The following ASPH variants were observed in gnomAD, a reference collection of about 807,000 sequenced individuals.
The protein encoded by ASPH is aspartate beta-hydroxylase.
Under a neutral mutation model 118.4 loss-of-function variants are expected in ASPH, and 100 were observed. That is an observed-to-expected ratio of 0.84 (90% CI 0.72 to 1.00). The LOEUF is 1.00. ASPH is among the 50% of genes least tolerant of loss of function. The pLI, the probability that ASPH is intolerant of heterozygous loss-of-function variation, is 0.00. For missense variants in ASPH, 920 were observed against 919.5 expected (o/e 1.00, Z -0.01); for synonymous variants, 315 against 325.6 (o/e 0.97, Z 0.35).
At chr8:61,702,841 A>G (rs756469348) in intron 1 of ASPH, among the ~76,000 whole-genome samples, 2 of 152,210 alleles carry the variant, frequency 1.3e-5, no homozygotes, top group Non-Finnish European at 2.9e-5. Flanking sequence ...CATCTAAAGT[A>G]TGGAAGGAGA....
intron 18 of ASPH, among the ~76,000 whole-genome samples, chr8:61,560,813 G>A (rs1348908079): frequency 6.6e-6 from 1 of 151,986 alleles, no homozygotes; most frequent in Non-Finnish European, 1.5e-5. Context: ...AAAAAGGTGA[G>A]GAAGGACAAA....
chr8:61,535,992 CCTT>C (rs1819384780), intron 21 of ASPH, among the ~76,000 whole-genome samples: 3 of 151,408 alleles, frequency 2.0e-5, no homozygotes, highest in Admixed American at 6.6e-5. Flanking sequence ...GATTAGATCT[CCTT>C]GTTTTTCAAG....
chr8:61,650,346 T>C (rs1240162651), intron 5 of ASPH, among the ~76,000 whole-genome samples: 1 of 152,160 alleles, frequency 6.6e-6, no homozygotes, highest in East Asian at 1.9e-4. Context: ...AACGTAATTT[T>C]ATTTTCCTTT....
At chr8:61,544,147 G>A (rs1022819693) in intron 21 of ASPH, among the ~76,000 whole-genome samples, 2 of 152,182 alleles carry the variant, frequency 1.3e-5, no homozygotes, top group Non-Finnish European at 2.9e-5. Flanking sequence ...AGTTTTCAAG[G>A]CTACCCTGGA....
intron 14 of ASPH, among the ~76,000 whole-genome samples, chr8:61,614,312 C>T (rs1027792757): frequency 6.6e-6 from 1 of 152,082 alleles, no homozygotes; most frequent in Non-Finnish European, 1.5e-5. Flanking sequence ...CCCACCCACC[C>T]ACGTGCACAC....
At chr8:61,679,508 T>G (rs1277679016) in intron 3 of ASPH, among the ~76,000 whole-genome samples, 1 of 152,100 alleles carries the variant, frequency 6.6e-6, no homozygotes, top group Non-Finnish European at 1.5e-5. Context: ...AATACCACAT[T>G]TTAATTTCTA....
chr8:61,654,473 T>C (rs978316607), intron 3 of ASPH, among the ~76,000 whole-genome samples: 1 of 152,038 alleles, frequency 6.6e-6, no homozygotes, highest in African/African-American at 2.4e-5. Context: ...CTACCAAGAG[T>C]AGTCACTGTG....
At chr8:61,660,995 TAAGGC>T (rs775492633) in intron 3 of ASPH, 17 of 152,228 alleles carry the variant, frequency 1.1e-4, no homozygotes, top group Non-Finnish European at 2.1e-4. Context: ...ACCATATACT[TAAGGC>T]TATAGTTTAT....
intron 3 of ASPH, among the ~76,000 whole-genome samples, chr8:61,679,075 G>T (rs1207119826): frequency 6.6e-6 from 1 of 152,142 alleles, no homozygotes; most frequent in African/African-American, 2.4e-5. Flanking sequence ...TGCATTTCAT[G>T]CAGAGAACTC....
intron 14 of ASPH, among the ~76,000 whole-genome samples, chr8:61,608,245 CT>C (rs1264139392): frequency 6.6e-6 from 1 of 152,080 alleles, no homozygotes; most frequent in Non-Finnish European, 1.5e-5. Context: ...TCTTTTAGTC[CT>C]GATTAAAATT....
chr8:61,612,926 C>T (rs1847907693), intron 14 of ASPH, among the ~76,000 whole-genome samples: 1 of 152,182 alleles, frequency 6.6e-6, no homozygotes, highest in South Asian at 2.1e-4. Context: ...GTTTATAATT[C>T]TTCCTGCCCA....
At chr8:61,665,511 C>T in intron 3 of ASPH, 1 of 1,566,154 alleles carries the variant, frequency 6.4e-7, no homozygotes. Flanking sequence ...CGGACATCCT[C>T]TTTCTTCCCC....
At chr8:61,656,107 T>C (rs774857255) in intron 3 of ASPH, 5 of 152,176 alleles carry the variant, frequency 3.3e-5, no homozygotes, top group Admixed American at 6.5e-5. Context: ...TAAATGCATA[T>C]AAGCTCAATT....
intron 3 of ASPH, chr8:61,658,013 T>C (rs74910828): frequency 4.5e-4 from 68 of 152,298 alleles, no homozygotes; most frequent in African/African-American, 1.6e-3. Context: ...ACTGTTTCAA[T>C]TGCAAGGAGT....
intron 14 of ASPH, among the ~76,000 whole-genome samples, chr8:61,615,885 T>G (rs1377916723): frequency 6.6e-6 from 1 of 152,198 alleles, no homozygotes; most frequent in African/African-American, 2.4e-5. Context: ...GGATATGTAA[T>G]GTTTACATAA....
At chr8:61,640,050 G>T (rs558770322) in intron 10 of ASPH, among the ~76,000 whole-genome samples, 1 of 152,176 alleles carries the variant, frequency 6.6e-6, no homozygotes, top group Admixed American at 6.5e-5. Context: ...TGTCCTATCC[G>T]TCCACTGAAA....
At chr8:61,696,203 C>T (rs1833889584) in intron 1 of ASPH, among the ~76,000 whole-genome samples, 1 of 152,186 alleles carries the variant, frequency 6.6e-6, no homozygotes, top group East Asian at 1.9e-4. Context: ...GCTCTCTTGA[C>T]TGTCCCTGTG....
At chr8:61,603,191 CAAAAAAA>C (rs11336705) in intron 14 of ASPH, among the ~76,000 whole-genome samples, 130 of 61,370 alleles carry the variant, frequency 2.1e-3, no homozygotes, top group Admixed American at 1.0e-3. Context: ...AGACTTGTCT[CAAAAAAA>C]AAAAAAAAAA....
At chr8:61,538,360 G>C (rs1249539343) in intron 21 of ASPH, among the ~76,000 whole-genome samples, 1 of 152,160 alleles carries the variant, frequency 6.6e-6, no homozygotes, top group Non-Finnish European at 1.5e-5. Context: ...AGAAAGATAA[G>C]ACTAAGCTAT....
Sources: gnomAD v4.1 joint callset for allele counts (sites outside exome capture counted in the v4.1 genomes callset) on GRCh38, gnomAD v4.1.1 for gene constraint, MANE v1.5 for transcripts, NCBI Gene and HGNC (gene_info 2026-07-23, HGNC 2026-07-21) for gene names.